The following SYNPO2 variants were observed in gnomAD, a reference collection of about 807,000 sequenced individuals.
The protein encoded by SYNPO2 is synaptopodin-2.
SYNPO2 carries 56 observed loss-of-function variants against 85.0 expected under a neutral mutation model. The ratio of observed to expected loss-of-function variants is 0.66; its 90% CI spans 0.53 to 0.82. SYNPO2 has a LOEUF of 0.82. Among genes scored for constraint, SYNPO2 ranks in the 40% least tolerant of loss-of-function variants. The probability of loss-of-function intolerance (pLI) is 0.00; values close to 1 mark genes in which losing one functional copy is unlikely to be tolerated. For synonymous variants in SYNPO2, 602 were observed against 591.1 expected, an observed-to-expected ratio of 1.02 and a Z score of -0.27; for missense variants, 1,575 against 1,534.2, an observed-to-expected ratio of 1.03 and a Z score of -0.44.
intron 1 of SYNPO2, among the ~76,000 whole-genome samples, chr4:118,919,671 G>A (rs780423135): frequency 3.3e-5 from 5 of 152,172 alleles, no homozygotes; most frequent in African/African-American, 7.2e-5. Flanking sequence ...GAGAGAGATC[G>A]GAAAGTTTTC....
chr4:118,946,828 G>T (rs1734521227), intron 1 of SYNPO2, among the ~76,000 whole-genome samples: 1 of 152,182 alleles, frequency 6.6e-6, no homozygotes, highest in South Asian at 2.1e-4. Flanking sequence ...TTGAGAGAAT[G>T]CTATGCGTGT....
rs1236239633 is a variant in SYNPO2 at position 119,015,093 on chromosome 4, C to T, written c.106-8337C>T. 2.6e-5 allele frequency among the ~76,000 whole-genome samples: 4 copies of T among 151,922 alleles called. No individual in the cohort carries two copies. In the East Asian group the frequency reaches 7.7e-4, roughly 29 times the overall value. On this transcript the variant is annotated intron_variant, in intron 1 of 4. Transcript: ENST00000307142. The stretch of plus-strand genomic sequence containing the variant: ...GTGATTCTTTCCAAAATGGAAGCAC[C>T]CTAATGTATCTTATATGTATTATAG...
chr4:118,956,085 G>T (rs1734863536), intron 1 of SYNPO2, among the ~76,000 whole-genome samples: 1 of 152,170 alleles, frequency 6.6e-6, no homozygotes, highest in South Asian at 2.1e-4. Context: ...TTAAGCCTGG[G>T]TAACAGTTAG....
intron 1 of SYNPO2, among the ~76,000 whole-genome samples, chr4:118,891,877 A>G (rs1455480224): frequency 2.6e-5 from 4 of 152,198 alleles, no homozygotes; most frequent in Non-Finnish European, 5.9e-5. Flanking sequence ...GAGTGCTTGA[A>G]CCATGCTCCT....
intron 1 of SYNPO2, among the ~76,000 whole-genome samples, chr4:118,882,429 T>C (rs1732121415): frequency 6.6e-6 from 1 of 152,230 alleles, no homozygotes; most frequent in African/African-American, 2.4e-5. Context: ...ATGTAAAACA[T>C]GCGATATTTA....
At chr4:118,996,261 G>A (rs1403134566) in intron 1 of SYNPO2, among the ~76,000 whole-genome samples, 1 of 152,136 alleles carries the variant, frequency 6.6e-6, no homozygotes, top group East Asian at 1.9e-4. Context: ...AGTGACTGAA[G>A]TTTTACTCAT....
At chr4:119,047,494 T>A (rs1026540305) in intron 4 of SYNPO2, among the ~76,000 whole-genome samples, 2 of 152,210 alleles carry the variant, frequency 1.3e-5, no homozygotes, top group African/African-American at 4.8e-5. Flanking sequence ...ATAGAAACTC[T>A]CTTCCATTTT....
At chr4:118,954,750 T>C (rs948166172) in intron 1 of SYNPO2, among the ~76,000 whole-genome samples, 1 of 152,182 alleles carries the variant, frequency 6.6e-6, no homozygotes, top group Non-Finnish European at 1.5e-5. Context: ...TATAGCTATA[T>C]ACAAGGGAGT....
At chr4:118,985,017 A>G (rs967679602) in intron 1 of SYNPO2, among the ~76,000 whole-genome samples, 1 of 152,158 alleles carries the variant, frequency 6.6e-6, no homozygotes, top group Admixed American at 6.5e-5. Flanking sequence ...TGCTTCTCCT[A>G]GTGTGGTCCT....
At chr4:118,882,154 T>C (rs1380101414) in intron 1 of SYNPO2, among the ~76,000 whole-genome samples, 2 of 152,232 alleles carry the variant, frequency 1.3e-5, no homozygotes, top group Non-Finnish European at 2.9e-5. Context: ...CTTATTGTTG[T>C]CGGTCACTTT....
chr4:119,053,910 C>T (rs1167886513), intron 4 of SYNPO2, among the ~76,000 whole-genome samples: 2 of 152,144 alleles, frequency 1.3e-5, no homozygotes, highest in Admixed American at 6.5e-5. Context: ...GGGGCCTCAC[C>T]GAGATTTCTG....
chr4:118,979,916 A>G (rs554739546), intron 1 of SYNPO2, among the ~76,000 whole-genome samples: 3 of 152,206 alleles, frequency 2.0e-5, no homozygotes, highest in Non-Finnish European at 4.4e-5. Context: ...ACCTTGGTCT[A>G]TTGCTTGGTC....
chr4:118,886,135 A>G (rs1044190794), upstream of SYNPO2, among the ~76,000 whole-genome samples: 4 of 152,360 alleles, frequency 2.6e-5, no homozygotes, highest in Admixed American at 1.3e-4. Context: ...GGAGGACACC[A>G]TCACTAATTT....
chr4:119,027,363 G>T lies in SYNPO2; in HGVS notation c.994G>T (p.Gly332Cys). ...SLVSFAVSSE[G>C]TEQGEDPRSE... ...GGTATCCTTTGCCGTCTCATCAGAA[G>T]GCACAGAGCAGGGAGAAGATCCACG... is the stretch of plus-strand genomic sequence containing the variant. The change falls in exon 3 of 5, where the codon GGC becomes TGC. Residue 332 changes from glycine (G) to cysteine (C), a missense_variant. Physicochemically the swap from Gly to Cys is radical, Grantham distance 159. This residue lies in a region of SYNPO2 where 1,508 missense variants were observed against 1,446.8 expected (regional missense o/e 1.04). Transcript: ENST00000307142. The T allele has an allele frequency of 6.2e-7, 1 of 1,613,888 alleles. No homozygotes were observed. Among genetic ancestry groups the T allele is most frequent in the Non-Finnish European group, 8.5e-7 (1 of 1,180,020 alleles).
In SYNPO2 at chr4:119,030,708, C is replaced by T. The variant is rs1248790058; in HGVS notation, c.1933C>T (p.Gln645Ter). The T allele has an allele frequency of 6.2e-7, 1 of 1,614,084 alleles. No homozygotes were observed. The highest frequency in any genetic ancestry group is 8.5e-7 in the Non-Finnish European group (1 of 1,180,050). Reference sequence around the variant, plus strand: ...TTCAAGTCCGATTGCTGGCCCAGCACAGCCCCCTCCATGGCCCCAGCCTGC... The same window carrying T: ...TTCAAGTCCGATTGCTGGCCCAGCATAGCCCCCTCCATGGCCCCAGCCTGC... ...GVSSPIAGPA[Q>*]PPPWPQPAPW... is the part of the protein sequence containing the mutation. Residue 645 changes from glutamine to a stop codon, truncating the protein, a stop_gained, in exon 4 of 5, where the codon CAG becomes TAG. Coordinates refer to ENST00000307142, the MANE Select transcript of SYNPO2 (RefSeq NM_133477.3). LOFTEE classifies it high-confidence loss of function.
At chr4:118,901,507 A>C (rs983780808) in intron 1 of SYNPO2, among the ~76,000 whole-genome samples, 13 of 152,228 alleles carry the variant, frequency 8.5e-5, no homozygotes, top group Admixed American at 1.3e-4. Context: ...GATGAAAAGT[A>C]TCCATAGGAG....
chr4:118,894,506 C>T lies in SYNPO2; in HGVS notation c.105+5365C>T, dbSNP rs114027089. Among the ~76,000 whole-genome samples, 387 of 151,720 alleles carry T rather than the reference C, an allele frequency of 2.6e-3. 2 individuals carry two copies. Among genetic ancestry groups the T allele is most frequent in the African/African-American group, 8.7e-3 (359 of 41,330 alleles). On this transcript the variant is annotated intron_variant, in intron 1 of 4. Transcript: ENST00000307142. ...CTCCATCCGTGGACTTGCTAGCCTG[C>T]CTAGTGCCTTCATAAGTGGGAGTGG...
At chr4:118,872,316 C>A (rs1029456834) in intron 1 of SYNPO2, among the ~76,000 whole-genome samples, 11 of 152,152 alleles carry the variant, frequency 7.2e-5, no homozygotes, top group Non-Finnish European at 1.6e-4. Context: ...AAGCAAGGCA[C>A]ATTCCTTGCC....
Position 119,023,407 on chromosome 4 carries a change from T to A in SYNPO2, c.106-23T>A, listed in dbSNP as rs778932828. The A allele has an allele frequency of 1.9e-5, 30 of 1,587,274 alleles. No homozygotes were observed. The Admixed American group carries it at 5.1e-4, about 27-fold the overall frequency. On this transcript the variant is annotated intron_variant, in intron 1 of 4. Coordinates refer to ENST00000307142, the MANE Select transcript of SYNPO2 (RefSeq NM_133477.3). ...TTACAAATTATATCATTCTACTATG[T>A]CTTCTTTTTTTACTCCACTCAGATT...
Sources: allele counts gnomAD v4.1 joint callset (sites outside exome capture counted in the v4.1 genomes callset), GRCh38; gene constraint gnomAD v4.1.1; regional missense constraint gnomAD v4.1.1; transcripts MANE v1.5; gene names NCBI Gene and HGNC (gene_info 2026-07-23, HGNC 2026-07-21).